The following QKI variants were observed in gnomAD, a reference collection of about 807,000 sequenced individuals.
QKI encodes KH domain-containing RNA-binding protein QKI.
QKI carries 10 observed loss-of-function variants against 39.0 expected under a neutral mutation model. That is an observed-to-expected ratio of 0.26 (90% confidence interval 0.16 to 0.43). The LOEUF is 0.43. Among genes scored for constraint, QKI ranks in the 20% least tolerant of loss-of-function variants. The pLI, the probability that QKI is intolerant of heterozygous loss-of-function variation, is 1.00. For synonymous variants in QKI, 204 were observed against 155.4 expected (o/e 1.31, Z -2.33); for missense variants, 218 against 428.0 (o/e 0.51, Z 4.33).
intron 1 of QKI, among the ~76,000 whole-genome samples, chr6:163,422,663 A>G (rs572909792): frequency 6.6e-6 from 1 of 152,176 alleles, no homozygotes. Context: ...AGTAAAGGGC[A>G]TGTGTGTGCA....
intron 1 of QKI, among the ~76,000 whole-genome samples, chr6:163,427,665 G>T (rs1164086201): frequency 6.6e-6 from 1 of 151,982 alleles, no homozygotes; most frequent in Non-Finnish European, 1.5e-5. Flanking sequence ...GTGCGTGCGT[G>T]TGTGTGCCTG....
intron 3 of QKI, among the ~76,000 whole-genome samples, chr6:163,525,258 T>C (rs1780418297): frequency 7.8e-6 from 1 of 127,976 alleles, no homozygotes; most frequent in Non-Finnish European, 1.6e-5. Flanking sequence ...TTTCAAAACA[T>C]CTTGTTTCCT....
At chr6:163,494,465 A>C (rs1778271894) in intron 3 of QKI, among the ~76,000 whole-genome samples, 1 of 152,198 alleles carries the variant, frequency 6.6e-6, no homozygotes, top group Admixed American at 6.5e-5. Flanking sequence ...GTAACCCTCA[A>C]ATCATTACTG....
At chr6:163,520,890 C>T (rs1780112662) in intron 3 of QKI, among the ~76,000 whole-genome samples, 3 of 152,002 alleles carry the variant, frequency 2.0e-5, no homozygotes, top group African/African-American at 7.2e-5. Flanking sequence ...TCTTGTTAGC[C>T]AAATTTTAAT....
At chr6:163,430,698 A>G (rs910594493) in intron 1 of QKI, among the ~76,000 whole-genome samples, 1 of 152,216 alleles carries the variant, frequency 6.6e-6, no homozygotes, top group African/African-American at 2.4e-5. Flanking sequence ...TCTTTTCCCC[A>G]TCTTCCCAGT....
chr6:163,467,153 TCAC>T (rs1791826983), intron 2 of QKI, among the ~76,000 whole-genome samples: 1 of 150,156 alleles, frequency 6.7e-6, no homozygotes, highest in African/African-American at 2.4e-5. Flanking sequence ...GTGCTTAACA[TCAC>T]ACACACACAC....
At chr6:163,562,923 A>G (rs1783123130) in intron 5 of QKI, among the ~76,000 whole-genome samples, 1 of 152,204 alleles carries the variant, frequency 6.6e-6, no homozygotes, top group Non-Finnish European at 1.5e-5. Flanking sequence ...GTTGGTTCCT[A>G]AAGATGCAGG....
chr6:163,550,712 T>G (rs762519971), intron 4 of QKI, among the ~76,000 whole-genome samples: 1 of 152,058 alleles, frequency 6.6e-6, no homozygotes, highest in Non-Finnish European at 1.5e-5. Flanking sequence ...TTTGGGAGGC[T>G]GAGGCAGGTG....
At chr6:163,479,412 C>G (rs1811848297) in intron 3 of QKI, among the ~76,000 whole-genome samples, 2 of 152,222 alleles carry the variant, frequency 1.3e-5, no homozygotes, top group Admixed American at 1.3e-4. Context: ...CGCTATGTCA[C>G]CCAGGCTGGA....
chr6:163,514,082 T>G (rs1175805500), intron 3 of QKI, among the ~76,000 whole-genome samples: 2 of 152,058 alleles, frequency 1.3e-5, no homozygotes, highest in Non-Finnish European at 2.9e-5. Context: ...AGGAGATAGA[T>G]AACCCTTGCA....
intron 1 of QKI, among the ~76,000 whole-genome samples, chr6:163,421,439 C>T (rs192347494): frequency 6.6e-6 from 1 of 152,262 alleles, no homozygotes; most frequent in Admixed American, 6.5e-5. Context: ...AACTCCCCAC[C>T]CCGTTAGTTA....
At chr6:163,541,210 T>C (rs1158312101) in intron 4 of QKI, among the ~76,000 whole-genome samples, 2 of 152,090 alleles carry the variant, frequency 1.3e-5, no homozygotes, top group African/African-American at 4.8e-5. Flanking sequence ...CAATTTTCTT[T>C]GTAATTTCTT....
intron 1 of QKI, among the ~76,000 whole-genome samples, chr6:163,452,916 C>T (rs375596585): frequency 3.3e-5 from 5 of 151,948 alleles, no homozygotes; most frequent in South Asian, 2.1e-4. Context: ...TTAGTAGAGA[C>T]GGGGTTTCAC....
At chr6:163,521,076 C>CTTTGGAA (rs1400684329) in intron 3 of QKI, among the ~76,000 whole-genome samples, 1 of 151,906 alleles carries the variant, frequency 6.6e-6, no homozygotes. Context: ...CACGTTAATA[C>CTTTGGAA]TTTGGAATTT....
Position 163,574,801 on chromosome 6 carries a change from A to T in QKI, c.*4091A>T, listed in dbSNP as rs903647026. 6.6e-6 allele frequency: 1 copy of T among 152,168 alleles called. No individual in the cohort carries two copies. The allele number at this position is 152,168 out of a possible 1,614,324, so 9.4% of individuals were successfully genotyped here. On this transcript the variant is annotated 3_prime_UTR_variant, in exon 8 of 8. Transcript: ENST00000361752. ...CAAAATCCTCAGGATGAATTTTTGC[A>T]TTTGTAAATAACAATTTATCTTTGT...
intron 1 of QKI, among the ~76,000 whole-genome samples, chr6:163,433,893 A>C (rs1323992741): frequency 6.6e-6 from 1 of 152,208 alleles, no homozygotes; most frequent in East Asian, 1.9e-4. Flanking sequence ...CAACAATTGA[A>C]ATGAAAGTTT....
intron 3 of QKI, among the ~76,000 whole-genome samples, chr6:163,484,753 A>G (rs555831320): frequency 6.6e-6 from 1 of 152,322 alleles, no homozygotes; most frequent in Middle Eastern, 3.4e-3. Flanking sequence ...GGTGTGCCCC[A>G]GAACAATTAC....
At chr6:163,556,599 A>T (rs1297468680) in intron 4 of QKI, among the ~76,000 whole-genome samples, 1 of 151,884 alleles carries the variant, frequency 6.6e-6, no homozygotes, top group African/African-American at 2.4e-5. Flanking sequence ...ATATATATTT[A>T]TACATACCCA....
chr6:163,448,400 G>A (rs892194498), intron 1 of QKI, among the ~76,000 whole-genome samples: 5 of 149,408 alleles, frequency 3.3e-5, no homozygotes, highest in African/African-American at 1.2e-4. Flanking sequence ...GATTTATTTG[G>A]TTGTTAGAGT....
Sources: gnomAD v4.1 joint callset for allele counts (sites outside exome capture counted in the v4.1 genomes callset) on GRCh38, gnomAD v4.1.1 for gene constraint, MANE v1.5 for transcripts, NCBI Gene and HGNC (gene_info 2026-07-23, HGNC 2026-07-21) for gene names.